Variants in FOXP1 observed in about 807,000 individuals in gnomAD.
FOXP1 encodes forkhead box P1.
Under a neutral mutation model 98.2 loss-of-function variants are expected in FOXP1, and 15 were observed. The observed-to-expected ratio is 0.15, with a 90% confidence interval of 0.10 to 0.24. The LOEUF (loss-of-function observed/expected upper bound fraction) is 0.24, where lower values mean the gene tolerates loss of function less well. FOXP1 is among the 10% of genes least tolerant of loss of function. The pLI, the probability that FOXP1 is intolerant of heterozygous loss-of-function variation, is 1.00. For missense variants in FOXP1, 633 were observed against 848.5 expected, an observed-to-expected ratio of 0.75 and a Z score of 3.15; for synonymous variants, 371 against 314.5, an observed-to-expected ratio of 1.18 and a Z score of -1.90.
intron 5 of FOXP1, among the ~76,000 whole-genome samples, chr3:71,254,407 G>T (rs1315849501): frequency 6.6e-6 from 1 of 152,158 alleles, no homozygotes; most frequent in Non-Finnish European, 1.5e-5. Flanking sequence ...AGGTATTGTG[G>T]ACCGGCATTT....
At chr3:71,470,652 T>C (rs2089251155) in intron 3 of FOXP1, among the ~76,000 whole-genome samples, 1 of 152,074 alleles carries the variant, frequency 6.6e-6, no homozygotes, top group Non-Finnish European at 1.5e-5. Flanking sequence ...GGCACGAGAA[T>C]TGCTTGAACC....
At chr3:71,157,818 G>GTGGAGGGAGGCCA (rs1452125129) in intron 6 of FOXP1, among the ~76,000 whole-genome samples, 1 of 152,042 alleles carries the variant, frequency 6.6e-6, no homozygotes, top group East Asian at 1.9e-4. Context: ...CAGGAGTAGT[G>GTGGAGGGAGGCCA]GCTCATGCCT....
chr3:71,493,317 G>C (rs1009641932), intron 3 of FOXP1, 109 bp downstream of exon 3: 2 of 152,188 alleles, frequency 1.3e-5, no homozygotes, highest in African/African-American at 2.4e-5. Context: ...GACAGAGTTT[G>C]TCCCTTCTTT....
chr3:71,552,509 A>G (rs2045853613), intron 2 of FOXP1, among the ~76,000 whole-genome samples: 1 of 152,002 alleles, frequency 6.6e-6, no homozygotes, highest in Non-Finnish European at 1.5e-5. Flanking sequence ...GAGGTAATTA[A>G]ATATTTAGTA....
chr3:71,353,484 TC>T (rs2077936161), intron 4 of FOXP1, among the ~76,000 whole-genome samples: 4 of 152,224 alleles, frequency 2.6e-5, no homozygotes, highest in African/African-American at 9.6e-5. Context: ...TGTTTTTTTT[TC>T]TGATTTATTC....
intron 3 of FOXP1, among the ~76,000 whole-genome samples, chr3:71,413,956 G>A (rs1277301577): frequency 6.6e-6 from 1 of 151,978 alleles, no homozygotes; most frequent in Non-Finnish European, 1.5e-5. Context: ...CAAGGATGAG[G>A]GGAGGAATGT....
rs553285123 is a variant in FOXP1, at chr3:71,229,982, C to A, written c.-11-31590G>T. Among the ~76,000 whole-genome samples the A allele has an allele frequency of 2.0e-5, 3 of 152,076 alleles. No homozygotes were observed. In the East Asian group the frequency reaches 5.8e-4, roughly 29 times the overall value. The stretch of plus-strand genomic sequence containing the variant: ...TGTCAAGCTCAGATTATCTCAGTGG[C>A]GCTGCAACCTCCAGGACTCCCTGGA... On this transcript the variant is annotated intron_variant, in intron 5 of 20. Coordinates refer to ENST00000649528, the MANE Select transcript of FOXP1 (RefSeq NM_001349338.3).
At chr3:71,008,855 A>G (rs902071745) in intron 12 of FOXP1, among the ~76,000 whole-genome samples, 3 of 151,970 alleles carry the variant, frequency 2.0e-5, no homozygotes, top group Non-Finnish European at 4.4e-5. Flanking sequence ...TTTCTTCCTC[A>G]GGAGGGAAAA....
At chr3:71,426,673 A>AT (rs1184760701) in intron 3 of FOXP1, among the ~76,000 whole-genome samples, 1 of 152,158 alleles carries the variant, frequency 6.6e-6, no homozygotes, top group Non-Finnish European at 1.5e-5. Context: ...AATTCTATGC[A>AT]TGGTGTTCTT....
At chr3:71,312,652 G>A (rs145241824) in intron 4 of FOXP1, among the ~76,000 whole-genome samples, 7 of 152,326 alleles carry the variant, frequency 4.6e-5, no homozygotes, top group Middle Eastern at 3.4e-3. Context: ...TGGTGCTGCC[G>A]CACAATAGCC....
chr3:71,247,289 C>G (rs1322126524), intron 5 of FOXP1, among the ~76,000 whole-genome samples: 2 of 152,218 alleles, frequency 1.3e-5, no homozygotes, highest in African/African-American at 4.8e-5. Flanking sequence ...AGACCCCAGT[C>G]TGAGGGTGAT....
intron 5 of FOXP1, among the ~76,000 whole-genome samples, chr3:71,206,717 G>T (rs765687036): frequency 6.6e-6 from 1 of 152,102 alleles, no homozygotes; most frequent in Non-Finnish European, 1.5e-5. Context: ...AAACTTTCTT[G>T]GATAACGTAA....
At chr3:71,213,785 C>T (rs566979929) in intron 5 of FOXP1, among the ~76,000 whole-genome samples, 7 of 152,168 alleles carry the variant, frequency 4.6e-5, no homozygotes, top group Non-Finnish European at 1.0e-4. Flanking sequence ...CACTGCACTC[C>T]AGCCTGGGCG....
intron 6 of FOXP1, among the ~76,000 whole-genome samples, chr3:71,194,350 G>C (rs1429875462): frequency 6.6e-6 from 1 of 151,614 alleles, no homozygotes. Context: ...TTATTTAACA[G>C]CTATTCATTT....
intron 3 of FOXP1, among the ~76,000 whole-genome samples, chr3:71,406,417 A>ATATATATATATATATATATATATC (rs2082349518): frequency 7.0e-6 from 1 of 142,062 alleles, no homozygotes; most frequent in Non-Finnish European, 1.6e-5. Context: ...ATATATATAT[A>ATATATATATATATATATATATATC]TATATATGGT....
chr3:71,142,006 A>G (rs1191847786), intron 6 of FOXP1, among the ~76,000 whole-genome samples: 1 of 152,250 alleles, frequency 6.6e-6, no homozygotes, highest in Non-Finnish European at 1.5e-5. Flanking sequence ...TTAGTGAAAC[A>G]GAATTGTGTT....
intron 6 of FOXP1, among the ~76,000 whole-genome samples, chr3:71,121,135 G>A (rs765470635): frequency 6.6e-6 from 1 of 150,556 alleles, no homozygotes; most frequent in Admixed American, 6.6e-5. Flanking sequence ...CATTAGCGTT[G>A]TGAGCTCAAA....
chr3:71,195,459 T>C (rs2063239014), intron 6 of FOXP1, among the ~76,000 whole-genome samples: 1 of 152,248 alleles, frequency 6.6e-6, no homozygotes, highest in Admixed American at 6.5e-5. Flanking sequence ...CAACATTCAA[T>C]ATAACACACA....
chr3:71,544,419 AAGC>A (rs2045187252), intron 2 of FOXP1, among the ~76,000 whole-genome samples: 1 of 152,094 alleles, frequency 6.6e-6, no homozygotes, highest in African/African-American at 2.4e-5. Flanking sequence ...AAAAAGGAAA[AAGC>A]AGGAAAGACT....
Sources: allele counts gnomAD v4.1 joint callset (sites outside exome capture counted in the v4.1 genomes callset), GRCh38; gene constraint gnomAD v4.1.1; transcripts MANE v1.5; gene names NCBI Gene and HGNC (gene_info 2026-07-23, HGNC 2026-07-21).